The following NFU1 variants were observed in gnomAD, a reference collection of about 807,000 sequenced individuals.
NFU1 encodes NFU1 iron-sulfur cluster scaffold homolog, mitochondrial.
A neutral mutation model predicts 32.2 loss-of-function variants in NFU1; 30 were observed. The ratio of observed to expected loss-of-function variants is 0.93; its 90% CI spans 0.70 to 1.26. NFU1 has a LOEUF of 1.26. Ranked by LOEUF, NFU1 falls within the 50% of genes most tolerant of loss-of-function variation. The pLI is 0.00. For synonymous variants in NFU1, 112 were observed against 104.6 expected, an observed-to-expected ratio of 1.07 and a Z score of -0.43; for missense variants, 306 against 306.6, an observed-to-expected ratio of 1.00 and a Z score of 0.02.
At chr2:69,411,832 A>G (rs1165305175) in intron 5 of NFU1, among the ~76,000 whole-genome samples, 1 of 151,962 alleles carries the variant, frequency 6.6e-6, no homozygotes, top group Non-Finnish European at 1.5e-5. Context: ...GAGCTCACAC[A>G]ATCTGCTGCC....
chr2:69,422,903 A>C lies in NFU1; in HGVS notation c.302+679T>G, dbSNP rs568664797. 5.9e-5 allele frequency among the ~76,000 whole-genome samples: 9 copies of C among 152,152 alleles called. No individual in the cohort carries two copies. The South Asian group carries it at 1.9e-3, about 32-fold the overall frequency. ...GCTAATTTTTGTATTTTTTGTAGAC[A>C]GGGTTTCACCATGTTGCCCAGGCTG... is the stretch of plus-strand genomic sequence containing the variant. On this transcript the variant is annotated intron_variant, in intron 3 of 7. Coordinates refer to ENST00000410022, the MANE Select transcript of NFU1 (RefSeq NM_001002755.4).
chr2:69,396,205 A>C lies in NFU1; in HGVS notation c.*41T>G, dbSNP rs1330246581. ...TAATAAAAACTTGATATATATTATC[A>C]ACAAGTCTGACTGTTATGCCCAAAG... On this transcript the variant is annotated 3_prime_UTR_variant, in exon 8 of 8. Coordinates refer to ENST00000410022, the MANE Select transcript of NFU1 (RefSeq NM_001002755.4). The C allele has an allele frequency of 1.3e-6, 2 of 1,524,084 alleles. No individual in the cohort carries two copies. The highest frequency in any genetic ancestry group is 4.5e-5 in the East Asian group (2 of 44,328). 94.4% of individuals were successfully genotyped at this position (1,524,084 alleles called of 1,614,324 possible). A position where few individuals can be genotyped will look rare whatever the true frequency, so the allele number is the denominator to read the frequency against.
At chr2:69,398,339 G>A (rs1213333018) in intron 7 of NFU1, among the ~76,000 whole-genome samples, 2 of 152,134 alleles carry the variant, frequency 1.3e-5, no homozygotes, top group Non-Finnish European at 2.9e-5. Flanking sequence ...AATTCCAAGT[G>A]GGGGATGGAT....
In NFU1 at chr2:69,404,615, A is replaced by ATATATTTTTTT. The variant is rs1426118283; in HGVS notation, c.545+1406_545+1407insAAAAAAATATA. On this transcript the variant is annotated intron_variant, in intron 6 of 7. Coordinates refer to ENST00000410022, the MANE Select transcript of NFU1 (RefSeq NM_001002755.4). ...CACTTAATAACTACTATCTTAGCAA[A>ATATATTTTTTT]TTTTTTTTTTTTTTTTTTTTTTTGA... Among the ~76,000 whole-genome samples, 25 of 73,020 alleles carry ATATATTTTTTT rather than the reference A, an allele frequency of 3.4e-4. 3 individuals carry two copies. Among genetic ancestry groups the ATATATTTTTTT allele is most frequent in the African/African-American group, 1.6e-3 (25 of 15,942 alleles). 47.9% of individuals were successfully genotyped at this position (73,020 alleles called of 152,430 possible).
At chr2:69,429,030 A>T (rs554965761) in intron 2 of NFU1, among the ~76,000 whole-genome samples, 7 of 152,318 alleles carry the variant, frequency 4.6e-5, no homozygotes, top group Non-Finnish European at 1.0e-4. Context: ...AAAATGAAAA[A>T]ATAGCCGCAA....
At chr2:69,399,337 G>C (rs1241190487) in intron 7 of NFU1, 1 of 454,396 alleles carries the variant, frequency 2.2e-6, no homozygotes, top group Non-Finnish European at 4.4e-6. Flanking sequence ...GAGAATCACT[G>C]CAGTGAGACT....
rs991131340 is a variant in NFU1, at chr2:69,396,652, C to CA, written c.721-363dup. On this transcript the variant is annotated intron_variant, in intron 7 of 7. Coordinates refer to ENST00000410022, the MANE Select transcript of NFU1 (RefSeq NM_001002755.4). ...TGGGCAACACAGCGAGACTCTGTCT[C>CA]AAAAAAAAAATAAAATAAAATAAAA... is the stretch of plus-strand genomic sequence containing the variant. Among the ~76,000 whole-genome samples, 42 of 144,642 alleles carry CA rather than the reference C, an allele frequency of 2.9e-4. No individual in the cohort carries two copies. In the East Asian group the frequency reaches 3.2e-3, roughly 11 times the overall value. The allele number at this position is 144,642 out of a possible 152,430, so 94.9% of individuals were successfully genotyped here.
At chr2:69,428,178 A>G (rs999502608) in intron 2 of NFU1, among the ~76,000 whole-genome samples, 1 of 152,172 alleles carries the variant, frequency 6.6e-6, no homozygotes, top group African/African-American at 2.4e-5. Context: ...AATCCCCAGC[A>G]CTTTGGGAGG....
chr2:69,409,852 A>G (rs1242905425), intron 5 of NFU1, among the ~76,000 whole-genome samples: 1 of 151,848 alleles, frequency 6.6e-6, no homozygotes, highest in Non-Finnish European at 1.5e-5. Flanking sequence ...CTCCCATTAG[A>G]CTCCACCTCC....
At chr2:69,400,727 T>A (rs1490318894) in intron 6 of NFU1, among the ~76,000 whole-genome samples, 189 bp from the exon 7 acceptor site, 2 of 151,800 alleles carry the variant, frequency 1.3e-5, no homozygotes, top group Non-Finnish European at 2.9e-5. Context: ...TACTCTCAGG[T>A]AAAATACCAA....
rs544658853 is a variant in NFU1, at chr2:69,409,369, G to C, written c.485-3287C>G. Among the ~76,000 whole-genome samples the C allele has an allele frequency of 3.3e-4, 50 of 151,746 alleles. No individual in the cohort carries two copies. In the Middle Eastern group the frequency reaches 0.014, roughly 41 times the overall value. ...CCAATCTAGTTCATTCCTTTTAACT[G>C]CTGGTATAGTTAAAAAATATTTCAG... On this transcript the variant is annotated intron_variant, in intron 5 of 7. Transcript: ENST00000410022.
intron 6 of NFU1, among the ~76,000 whole-genome samples, chr2:69,404,219 C>T (rs1024946989): frequency 2.7e-5 from 4 of 150,216 alleles, no homozygotes; most frequent in Admixed American, 1.3e-4. Flanking sequence ...AGGCCGGGAG[C>T]GGTGACCCAC....
intron 3 of NFU1, 74 bp downstream of exon 3, chr2:69,423,508 C>A: frequency 3.7e-6 from 5 of 1,357,764 alleles, no homozygotes; most frequent in East Asian, 2.3e-5. Flanking sequence ...AATAGTTAAA[C>A]AGAGTTGTCT....
At chr2:69,420,602 G>A (rs1673205198) in intron 3 of NFU1, among the ~76,000 whole-genome samples, 2 of 152,114 alleles carry the variant, frequency 1.3e-5, no homozygotes, top group Non-Finnish European at 2.9e-5. Context: ...TGGACTCACT[G>A]TTCTGCAAGT....
upstream of NFU1, chr2:69,437,661 A>C (rs1186487658): frequency 8.1e-6 from 5 of 614,064 alleles, no homozygotes; most frequent in Non-Finnish European, 1.2e-5. Flanking sequence ...TTCACGCAGC[A>C]CTGTGAACGC....
At chr2:69,415,157 A>C in intron 5 of NFU1, 28 bp downstream of exon 5, 2 of 1,293,480 alleles carry the variant, frequency 1.5e-6, no homozygotes, top group Non-Finnish European at 2.2e-6. Context: ...AAAAGGACAA[A>C]TTTTAATTAC....
In NFU1 at chr2:69,422,087, A is replaced by C. The variant is rs192596283; in HGVS notation, c.302+1495T>G. On this transcript the variant is annotated intron_variant, in intron 3 of 7. Coordinates refer to ENST00000410022, the MANE Select transcript of NFU1 (RefSeq NM_001002755.4). Reference sequence around the variant, plus strand: ...GAACAATTATAACAATATGCCAGCAATATGCCAGCATCACTACTTTAAGAG... The same window carrying C: ...GAACAATTATAACAATATGCCAGCACTATGCCAGCATCACTACTTTAAGAG... 2.0e-5 allele frequency among the ~76,000 whole-genome samples: 3 copies of C among 152,316 alleles called. No homozygotes were observed. In the East Asian group the frequency reaches 5.8e-4, roughly 29 times the overall value.
In NFU1 at chr2:69,429,245, G is replaced by A. The variant is rs542105201; in HGVS notation, c.166+2657C>T. On this transcript the variant is annotated intron_variant, in intron 2 of 7. Coordinates refer to ENST00000410022, the MANE Select transcript of NFU1 (RefSeq NM_001002755.4). ...TATTGCTAACCAAAATCTGCACACA[G>A]TACTCTACCAATATTTGAAAAATTA... 3.9e-5 allele frequency among the ~76,000 whole-genome samples: 6 copies of A among 152,272 alleles called. No homozygotes were observed. In the South Asian group the frequency reaches 1.2e-3, roughly 32 times the overall value.
intron 4 of NFU1, chr2:69,416,058 G>A (rs1433907425): frequency 6.6e-6 from 1 of 151,544 alleles, no homozygotes; most frequent in Non-Finnish European, 1.5e-5. Flanking sequence ...AAGCAGGCAG[G>A]CGAAGAGAGG....
Sources: allele counts gnomAD v4.1 joint callset (sites outside exome capture counted in the v4.1 genomes callset), GRCh38; gene constraint gnomAD v4.1.1; transcripts MANE v1.5; gene names NCBI Gene and HGNC (gene_info 2026-07-23, HGNC 2026-07-21).